Variants in PRKCI observed in about 807,000 individuals in gnomAD.
PRKCI encodes the protein protein kinase C iota type.
In PRKCI, 43 loss-of-function variants were observed where a neutral mutation model predicts 84.0. That is an observed-to-expected ratio of 0.51 (90% CI 0.40 to 0.66). The LOEUF is 0.66. Ranked by LOEUF, PRKCI falls within the 30% of genes least tolerant of loss-of-function variation. The probability of loss-of-function intolerance (pLI) is 0.00; values close to 1 mark genes in which losing one functional copy is unlikely to be tolerated. For missense variants in PRKCI, 459 were observed against 745.6 expected, an observed-to-expected ratio of 0.62 and a Z score of 4.48; for synonymous variants, 216 against 234.4, an observed-to-expected ratio of 0.92 and a Z score of 0.72.
chr3:170,222,591 A>T lies in PRKCI; in HGVS notation c.-79A>T. The T allele has an allele frequency of 8.0e-7, 1 of 1,242,244 alleles. No homozygotes were observed. Among genetic ancestry groups the T allele is most frequent in the Non-Finnish European group, 1.1e-6 (1 of 912,486 alleles). 77.0% of individuals were successfully genotyped at this position (1,242,244 alleles called of 1,614,324 possible). A position where few individuals can be genotyped will look rare whatever the true frequency, so the allele number is the denominator to read the frequency against. The stretch of plus-strand genomic sequence containing the variant: ...ACGGCCGCGGTTCTCCGGCAAGCGC[A>T]GGCGGCGGAGTCCCCCACGGCGCCC... On this transcript the variant is annotated 5_prime_UTR_variant, in exon 1 of 18. Transcript: ENST00000295797.
At chr3:170,249,165 T>C (rs1472676384) in intron 2 of PRKCI, among the ~76,000 whole-genome samples, 1 of 152,024 alleles carries the variant, frequency 6.6e-6, no homozygotes, top group Admixed American at 6.6e-5. Flanking sequence ...GCTTTTTTCA[T>C]TATAGACTAC....
At chr3:170,258,514 C>A (rs901447784) in intron 2 of PRKCI, among the ~76,000 whole-genome samples, 1 of 151,980 alleles carries the variant, frequency 6.6e-6, no homozygotes, top group Admixed American at 6.6e-5. Context: ...TCATGTTGGC[C>A]AGGCTGGTCT....
intron 1 of PRKCI, among the ~76,000 whole-genome samples, chr3:170,230,691 T>G (rs772708402): frequency 2.0e-4 from 31 of 152,316 alleles, no homozygotes; most frequent in Non-Finnish European, 3.7e-4. Flanking sequence ...GGTTTAGTCA[T>G]TTATAGGGTA....
At position 170,299,052 on chromosome 3, in the gene PRKCI, T is replaced by G; in HGVS notation, c.1645T>G (p.Leu549Val). 6.2e-7 allele frequency: 1 copy of G among 1,613,592 alleles called. No homozygotes were observed. The highest frequency in any genetic ancestry group is 8.5e-7 in the Non-Finnish European group (1 of 1,179,796). Reference protein sequence around the residue: ...FKPNISGEFGLDNFDSQFTNE... With the variant: ...FKPNISGEFGVDNFDSQFTNE... ...ACCAAATATTTCTGGGGAATTTGGT[T>G]TGGACAACTTTGATTCTCAGTTTAC... The change falls in exon 17 of 18, where the codon TTG becomes GTG. Residue 549 changes from leucine to valine, a missense_variant. This residue lies in a region of PRKCI where 209 missense variants were observed against 425.9 expected (regional missense o/e 0.49). Transcript: ENST00000295797.
intron 1 of PRKCI, among the ~76,000 whole-genome samples, chr3:170,234,067 C>T (rs1283788191): frequency 1.9e-5 from 2 of 103,802 alleles, no homozygotes; most frequent in South Asian, 3.3e-4. Context: ...GAGTTTCGCT[C>T]TTGTTGCCCA....
intron 4 of PRKCI, among the ~76,000 whole-genome samples, chr3:170,264,533 C>T (rs938207367): frequency 1.3e-5 from 2 of 152,128 alleles, no homozygotes; most frequent in African/African-American, 4.8e-5. Context: ...CCTGCCTCAG[C>T]CTCCCAGAGT....
intron 2 of PRKCI, among the ~76,000 whole-genome samples, chr3:170,256,222 T>C (rs1352635721): frequency 6.6e-6 from 1 of 152,210 alleles, no homozygotes; most frequent in Non-Finnish European, 1.5e-5. Context: ...AACTATTCCC[T>C]CCTCCTCCAT....
intron 2 of PRKCI, among the ~76,000 whole-genome samples, chr3:170,248,411 A>G (rs1733348630): frequency 6.6e-6 from 1 of 152,092 alleles, no homozygotes; most frequent in Non-Finnish European, 1.5e-5. Context: ...TACAGATTTC[A>G]TTACCTTGAA....
chr3:170,236,007 A>G (rs1188828430), intron 2 of PRKCI, among the ~76,000 whole-genome samples: 2 of 151,558 alleles, frequency 1.3e-5, no homozygotes, highest in Non-Finnish European at 2.9e-5. Context: ...GCTGGTCTCC[A>G]ACTCCTGGCC....
At chr3:170,295,677 A>G (rs1734671240) in intron 14 of PRKCI, among the ~76,000 whole-genome samples, 1 of 145,084 alleles carries the variant, frequency 6.9e-6, no homozygotes, top group South Asian at 2.2e-4. Context: ...CTCCATCTCA[A>G]AAAAAAAAAA....
intron 6 of PRKCI, among the ~76,000 whole-genome samples, chr3:170,271,275 A>C (rs1241167963): frequency 6.6e-6 from 1 of 152,100 alleles, no homozygotes; most frequent in Non-Finnish European, 1.5e-5. Context: ...ACAGTTATCA[A>C]CTCATGTCTA....
chr3:170,235,141 A>T (rs1732936713), intron 1 of PRKCI, 89 bp from the exon 2 acceptor site: 28 of 1,324,942 alleles, frequency 2.1e-5, no homozygotes, highest in Non-Finnish European at 2.8e-5. Context: ...AAAATTACTG[A>T]AGTTCATCAA....
At chr3:170,285,712 G>A (rs1463185734) in intron 12 of PRKCI, among the ~76,000 whole-genome samples, 1 of 151,162 alleles carries the variant, frequency 6.6e-6, no homozygotes, top group South Asian at 2.1e-4. Flanking sequence ...GAATTCAACC[G>A]TACTTTTCAC....
intron 17 of PRKCI, 103 bp from the exon 18 acceptor site, chr3:170,302,937 C>T (rs1174543262): frequency 1.4e-5 from 10 of 696,760 alleles, no homozygotes; most frequent in Non-Finnish European, 2.2e-5. Flanking sequence ...GATTTCCTTT[C>T]AGTACAATTA....
At chr3:170,271,087 C>G (rs2108854057) in intron 6 of PRKCI, among the ~76,000 whole-genome samples, 1 of 152,152 alleles carries the variant, frequency 6.6e-6, no homozygotes, top group East Asian at 1.9e-4. Flanking sequence ...AAGTAAAAGT[C>G]CACATATATT....
chr3:170,258,911 T>G (rs775011120), intron 2 of PRKCI, among the ~76,000 whole-genome samples: 52 of 152,186 alleles, frequency 3.4e-4, no homozygotes, highest in Non-Finnish European at 6.8e-4. Flanking sequence ...TTTCACTTCC[T>G]CTTTTAAAGA....
chr3:170,300,515 T>C (rs1345699772), intron 17 of PRKCI, among the ~76,000 whole-genome samples: 1 of 151,860 alleles, frequency 6.6e-6, no homozygotes, highest in African/African-American at 2.4e-5. Context: ...CTCTGATTTT[T>C]CCCCCTAACT....
At position 170,270,966 on chromosome 3, in the gene PRKCI, A is replaced by ACTGTTTGTTAT. The variant is rs1417015704; in HGVS notation, c.591+405_591+406insCTGTTTGTTAT. 3.2e-3 allele frequency among the ~76,000 whole-genome samples: 493 copies of ACTGTTTGTTAT among 152,264 alleles called. 4 individuals carry two copies. Among genetic ancestry groups the ACTGTTTGTTAT allele is most frequent in the African/African-American group, 0.012 (482 of 41,566 alleles). On this transcript the variant is annotated intron_variant, in intron 6 of 17. Transcript: ENST00000295797. ...TCATGTTTGTTATTTAAACTGTGAG[A>ACTGTTTGTTAT]TTACTGGCGAGGAAAGCATTTAAAA... is the stretch of plus-strand genomic sequence containing the variant.
At chr3:170,294,813 G>A (rs1324610147) in intron 14 of PRKCI, among the ~76,000 whole-genome samples, 1 of 152,176 alleles carries the variant, frequency 6.6e-6, no homozygotes, top group African/African-American at 2.4e-5. Context: ...TCTCTGAGAA[G>A]ATGGGAAAAG....
Sources: allele counts gnomAD v4.1 joint callset (sites outside exome capture counted in the v4.1 genomes callset), GRCh38; gene constraint gnomAD v4.1.1; regional missense constraint gnomAD v4.1.1; transcripts MANE v1.5; gene names NCBI Gene and HGNC (gene_info 2026-07-23, HGNC 2026-07-21).